PTK7: variants seen among roughly 807,000 people sequenced by gnomAD.
PTK7 encodes the protein protein tyrosine kinase 7 (inactive), also known as inactive tyrosine-protein kinase 7.
Under a neutral mutation model 116.6 loss-of-function variants are expected in PTK7, and 39 were observed. That is an observed-to-expected ratio of 0.33 (90% CI 0.26 to 0.44). The LOEUF is 0.44. PTK7 is among the 20% of genes least tolerant of loss of function. PTK7 has a pLI of 1.00. For missense variants in PTK7, 1,169 were observed against 1,425.6 expected (o/e 0.82, Z 2.90); for synonymous variants, 546 against 563.6 (o/e 0.97, Z 0.44).
Position 43,145,559 on chromosome 6 carries a change from C to A in PTK7, c.2640+127C>A. On this transcript the variant is annotated intron_variant, in intron 16 of 19. Coordinates refer to ENST00000230419, the MANE Select transcript of PTK7 (RefSeq NM_002821.5). The surrounding 1 kb of genome is among the most constrained non-coding windows in gnomAD (Gnocchi z 4.8). ...CAGTCTCAGCCGAGACCTCACCTGC[C>A]TGCTGTTACACTTTGCCCACCTTAT... 1 of 670,226 alleles carries A rather than the reference C, an allele frequency of 1.5e-6. No individual in the cohort carries two copies. Among genetic ancestry groups the A allele is most frequent in the Non-Finnish European group, 2.3e-6 (1 of 433,540 alleles). The allele number at this position is 670,226 out of a possible 1,614,324, so 41.5% of individuals were successfully genotyped here. A position where few individuals can be genotyped will look rare whatever the true frequency, so the allele number is the denominator to read the frequency against.
In PTK7 at chr6:43,146,600, G is replaced by A. The variant is rs763410560; in HGVS notation, c.2641-18G>A. On this transcript the variant is annotated intron_variant, in intron 16 of 19. Coordinates refer to ENST00000230419, the MANE Select transcript of PTK7 (RefSeq NM_002821.5). ...GGCTGTGCACTGACCTGAGCGAGAT[G>A]CCTGGCTTTTCCCTTAGGGAGACCT... is the stretch of plus-strand genomic sequence containing the variant. 79 of 1,610,724 alleles carry A rather than the reference G, an allele frequency of 4.9e-5. No individual in the cohort carries two copies. The Admixed American group carries it at 1.3e-3, about 27-fold the overall frequency.
At chr6:43,160,682 A>G (rs1236894439) in intron 19 of PTK7, 39 bp from the exon 20 acceptor site, 1 of 1,606,356 alleles carries the variant, frequency 6.2e-7, no homozygotes, top group African/African-American at 1.3e-5. Context: ...AAGTTGTTGA[A>G]TGTTTTGGCC....
intron 17 of PTK7, among the ~76,000 whole-genome samples, chr6:43,149,198 C>A (rs866278486): frequency 6.6e-6 from 1 of 151,772 alleles, no homozygotes; most frequent in Admixed American, 6.6e-5. Flanking sequence ...GTGGGGAAAC[C>A]CCATCTCTAC....
At position 43,139,762 on chromosome 6, in the gene PTK7, C is replaced by T. The variant is rs139765823; in HGVS notation, c.1618+237C>T. Among the ~76,000 whole-genome samples the T allele has an allele frequency of 1.9e-4, 29 of 152,362 alleles. No individual in the cohort carries two copies. Among genetic ancestry groups the T allele is most frequent in the Admixed American group, 1.8e-3 (28 of 15,306 alleles). ...CAACAAGTGATTGGATTGGTTCAGA[C>T]AGTGCTGTAAAGTCCTCTCTTCCCC... On this transcript the variant is annotated intron_variant, in intron 10 of 19. Transcript: ENST00000230419. The surrounding 1 kb of genome is among the most constrained non-coding windows in gnomAD (Gnocchi z 4.6).
At chr6:43,160,298 G>A (rs1426619602) in intron 19 of PTK7, among the ~76,000 whole-genome samples, 1 of 152,150 alleles carries the variant, frequency 6.6e-6, no homozygotes, top group African/African-American at 2.4e-5. Flanking sequence ...TGTATTTTTA[G>A]TAGAGATGGG....
intron 17 of PTK7, 70 bp downstream of exon 17, chr6:43,146,768 T>C: frequency 7.4e-7 from 1 of 1,357,982 alleles, no homozygotes; most frequent in Non-Finnish European, 1.0e-6. Context: ...AGAGGCACCA[T>C]TTATTGAGGG....
At chr6:43,142,378 C>T (rs981243485) in intron 13 of PTK7, 79 bp downstream of exon 13, 36 of 1,600,888 alleles carry the variant, frequency 2.2e-5, no homozygotes, top group Non-Finnish European at 2.8e-5. Flanking sequence ...CCCCTGTGTA[C>T]AGAACATGGC....
rs141782600 is a variant in PTK7, at chr6:43,118,405, C to T, written c.80-10572C>T. Among the ~76,000 whole-genome samples the T allele has an allele frequency of 3.0e-3, 455 of 151,454 alleles. 1 individual carries two copies. Among genetic ancestry groups the T allele is most frequent in the African/African-American group, 0.01 (419 of 41,292 alleles). On this transcript the variant is annotated intron_variant, in intron 1 of 19. Transcript: ENST00000230419. ...TACAAAAATTAGCTGGGCGTGGTGG[C>T]GGGCACCTGTAATCCCAGCTACTTG...
At chr6:43,121,853 A>G (rs1434186838) in intron 1 of PTK7, among the ~76,000 whole-genome samples, 2 of 152,200 alleles carry the variant, frequency 1.3e-5, no homozygotes, top group South Asian at 2.1e-4. Context: ...AAACGTTACA[A>G]ATGTGGCCAG....
Position 43,076,371 on chromosome 6 carries a change from G to GGCTGCGGCTGCT in PTK7, c.-109_-98dup. ...TCGGGACGCCTCGGGGTCGGGCTCC[G>GGCTGCGGCTGCT]GCTGCGGCTGCTGCTGCGGCGCCCG... is the stretch of plus-strand genomic sequence containing the variant. On this transcript the variant is annotated 5_prime_UTR_variant, in exon 1 of 20. Transcript: ENST00000230419. The surrounding 1 kb of genome is among the most constrained non-coding windows in gnomAD (Gnocchi z 5.7). 1.4e-6 allele frequency: 1 copy of GGCTGCGGCTGCT among 708,606 alleles called. No homozygotes were observed. Among genetic ancestry groups the GGCTGCGGCTGCT allele is most frequent in the Non-Finnish European group, 1.9e-6 (1 of 517,286 alleles). 43.9% of individuals were successfully genotyped at this position (708,606 alleles called of 1,614,324 possible).
rs751560996 is a variant in PTK7 at position 43,141,895 on chromosome 6, C to T, written c.1769-36C>T. 4.4e-6 allele frequency: 7 copies of T among 1,594,246 alleles called. No homozygotes were observed. The Admixed American group carries it at 5.1e-5, about 12-fold the overall frequency. ...TGTACCCTGCCAGCCCCTTGGCTTA[C>T]CCCTCCCTGCGCCTCGCTGGTCTCT... On this transcript the variant is annotated intron_variant, in intron 11 of 19. Coordinates refer to ENST00000230419, the MANE Select transcript of PTK7 (RefSeq NM_002821.5). This position sits in a 1 kb window ranked among gnomAD's most constrained non-coding sequence, Gnocchi z 4.9.
intron 17 of PTK7, among the ~76,000 whole-genome samples, chr6:43,158,065 G>A (rs1335906039): frequency 6.6e-6 from 1 of 152,052 alleles, no homozygotes; most frequent in Non-Finnish European, 1.5e-5. Flanking sequence ...TTGGAAGGCC[G>A]AGGCGGGCGG....
intron 1 of PTK7, among the ~76,000 whole-genome samples, chr6:43,097,643 G>C (rs916890301): frequency 8.5e-5 from 13 of 152,188 alleles, no homozygotes; most frequent in African/African-American, 2.9e-4. Flanking sequence ...GCGGGGCATT[G>C]CTGGGTTGAC....
Position 43,143,585 on chromosome 6 carries a change from C to G in PTK7, c.2216C>G (p.Pro739Arg). Residue 739 changes from proline (P) to arginine (R), a missense_variant, in exon 14 of 20, where the codon CCC becomes CGC. Pro to Arg is a moderately radical substitution (Grantham distance 103). Transcript: ENST00000230419. This position sits in a 1 kb window ranked among gnomAD's most constrained non-coding sequence, Gnocchi z 4.2. ...RCKAKRLQKQ[P>R]EGEEPEMECL... Reference sequence around the variant, plus strand: ...AAAGCCAAGCGGCTGCAGAAGCAGCCCGAGGGCGAGGAGCCAGAGATGGAA... The same window carrying G: ...AAAGCCAAGCGGCTGCAGAAGCAGCGCGAGGGCGAGGAGCCAGAGATGGAA... 6.2e-7 allele frequency: 1 copy of G among 1,613,102 alleles called. No individual in the cohort carries two copies. The highest frequency in any genetic ancestry group is 1.3e-5 in the African/African-American group (1 of 75,040).
chr6:43,093,529 G>A (rs1767072052), intron 1 of PTK7, among the ~76,000 whole-genome samples: 1 of 152,076 alleles, frequency 6.6e-6, no homozygotes, highest in South Asian at 2.1e-4. Context: ...AGAGGATGGA[G>A]ACCTGGGTCA....
intron 1 of PTK7, among the ~76,000 whole-genome samples, chr6:43,078,511 C>T (rs1347504540): frequency 6.8e-6 from 1 of 147,116 alleles, no homozygotes; most frequent in Admixed American, 6.7e-5. Flanking sequence ...AACCCACCCC[C>T]AGACGCATGA....
intron 1 of PTK7, among the ~76,000 whole-genome samples, chr6:43,099,516 C>T (rs1478506273): frequency 1.3e-5 from 2 of 152,032 alleles, no homozygotes; most frequent in African/African-American, 2.4e-5. Context: ...GCCACTGCGC[C>T]TGGCCCACAG....
chr6:43,131,755 C>G (rs1327101529), intron 5 of PTK7: 2 of 522,132 alleles, frequency 3.8e-6, no homozygotes, highest in East Asian at 7.1e-5. Context: ...CCATATCACT[C>G]TCTCTCGCAC....
At position 43,129,046 on chromosome 6, in the gene PTK7, T is replaced by A. The variant is rs1561964127; in HGVS notation, c.149T>A (p.Leu50Gln). 1.9e-6 allele frequency: 3 copies of A among 1,614,210 alleles called. No homozygotes were observed. Among genetic ancestry groups the A allele is most frequent in the South Asian group, 2.2e-5 (2 of 91,076 alleles). The change falls in exon 2 of 20, where the codon CTG becomes CAG. Residue 50 changes from leucine (L) to glutamine (Q), a missense_variant. Physicochemically the swap from Leu to Gln is moderately radical, Grantham distance 113. Around this residue, in one of 3 missense-constraint regions of PTK7, gnomAD observed 487 missense variants for 549.8 expected, o/e 0.89. Coordinates refer to ENST00000230419, the MANE Select transcript of PTK7 (RefSeq NM_002821.5). The surrounding 1 kb of genome is among the most constrained non-coding windows in gnomAD (Gnocchi z 4.5). ...GATGCACTGCAGGGGCGCCGGGCGC[T>A]GCTTCGCTGTGAGGTTGAGGCTCCG... The part of the protein sequence containing the change: ...SQDALQGRRA[L>Q]LRCEVEAPGP...
Sources: gnomAD v4.1 joint callset for allele counts (sites outside exome capture counted in the v4.1 genomes callset) on GRCh38, gnomAD v4.1.1 for gene constraint, gnomAD v4.1.1 regional missense constraint, Gnocchi (gnomAD v3.1) non-coding constraint, MANE v1.5 for transcripts, NCBI Gene and HGNC (gene_info 2026-07-23, HGNC 2026-07-21) for gene names.